GABPB1: variants seen among roughly 807,000 people sequenced by gnomAD.
GABPB1 encodes the protein GA binding protein transcription factor subunit beta 1.
Under a neutral mutation model 45.9 loss-of-function variants are expected in GABPB1, and 15 were observed. The ratio of observed to expected loss-of-function variants is 0.33; its 90% CI spans 0.22 to 0.50. The LOEUF (loss-of-function observed/expected upper bound fraction) is 0.50, where lower values mean the gene tolerates loss of function less well. Among genes scored for constraint, GABPB1 ranks in the 20% least tolerant of loss-of-function variants. The probability of loss-of-function intolerance (pLI) is 0.98; values close to 1 mark genes in which losing one functional copy is unlikely to be tolerated. For synonymous variants in GABPB1, 143 were observed against 154.4 expected, an observed-to-expected ratio of 0.93 and a Z score of 0.55; for missense variants, 252 against 457.5, an observed-to-expected ratio of 0.55 and a Z score of 4.10.
intron 6 of GABPB1, among the ~76,000 whole-genome samples, chr15:50,300,399 T>A (rs2046684859): frequency 6.6e-6 from 1 of 150,608 alleles, no homozygotes; most frequent in Non-Finnish European, 1.5e-5. Context: ...ATTGTCTTCC[T>A]GGCCTTTGTA....
At chr15:50,306,585 C>T (rs1403270182) in intron 2 of GABPB1, among the ~76,000 whole-genome samples, 1 of 151,140 alleles carries the variant, frequency 6.6e-6, no homozygotes, top group Non-Finnish European at 1.5e-5. Flanking sequence ...CAAGATCATG[C>T]CACTGCACTC....
At chr15:50,283,686 T>C (rs1286024413) in intron 8 of GABPB1, among the ~76,000 whole-genome samples, 2 of 152,018 alleles carry the variant, frequency 1.3e-5, no homozygotes, top group African/African-American at 4.8e-5. Flanking sequence ...AATTTTTGTA[T>C]TTTTTAGTAG....
At chr15:50,322,917 T>A (rs2047625161) in intron 1 of GABPB1, among the ~76,000 whole-genome samples, 1 of 152,052 alleles carries the variant, frequency 6.6e-6, no homozygotes. Context: ...TAGTCCCAAC[T>A]ACTTCGGAGG....
chr15:50,288,525 CCTT>C (rs1035722239), intron 7 of GABPB1, among the ~76,000 whole-genome samples: 71 of 152,284 alleles, frequency 4.7e-4, no homozygotes, highest in African/African-American at 1.7e-3. Flanking sequence ...GGGGCCCTAT[CCTT>C]CTGAGAGAGC....
intron 1 of GABPB1, among the ~76,000 whole-genome samples, chr15:50,314,131 C>T (rs564746495): frequency 1.3e-5 from 2 of 152,098 alleles, no homozygotes; most frequent in Non-Finnish European, 2.9e-5. Flanking sequence ...TTAAGTTACT[C>T]TGGTTTTAAA....
At chr15:50,333,339 T>C (rs1326681341) in intron 1 of GABPB1, among the ~76,000 whole-genome samples, 1 of 152,202 alleles carries the variant, frequency 6.6e-6, no homozygotes, top group Non-Finnish European at 1.5e-5. Flanking sequence ...TGTGTGCATC[T>C]GTGGTCCCAG....
chr15:50,322,449 G>C (rs1023065041), intron 1 of GABPB1, among the ~76,000 whole-genome samples: 17 of 152,146 alleles, frequency 1.1e-4, no homozygotes, highest in African/African-American at 4.1e-4. Context: ...AGGAGGCTAA[G>C]GCAGGAGAAT....
chr15:50,343,287 TATCA>T (rs780785696), intron 1 of GABPB1, among the ~76,000 whole-genome samples: 5 of 152,044 alleles, frequency 3.3e-5, no homozygotes, highest in Non-Finnish European at 7.4e-5. Context: ...TCAGCTCATC[TATCA>T]ATCTCCCCAT....
At chr15:50,328,897 C>T (rs185449826) in intron 1 of GABPB1, among the ~76,000 whole-genome samples, 1 of 152,124 alleles carries the variant, frequency 6.6e-6, no homozygotes. Flanking sequence ...AATATATTAT[C>T]GTTTTTCATT....
intron 2 of GABPB1, among the ~76,000 whole-genome samples, chr15:50,305,534 G>A (rs1241696061): frequency 6.6e-6 from 1 of 151,978 alleles, no homozygotes; most frequent in Non-Finnish European, 1.5e-5. Flanking sequence ...ACATTTTTAA[G>A]AGAAGGTCAT....
intron 1 of GABPB1, among the ~76,000 whole-genome samples, chr15:50,341,952 A>G (rs2048389934): frequency 6.6e-6 from 1 of 152,160 alleles, no homozygotes; most frequent in South Asian, 2.1e-4. Flanking sequence ...TAAGGATATG[A>G]CCTGTGCCTC....
At chr15:50,334,121 T>A (rs1268161411) in intron 1 of GABPB1, among the ~76,000 whole-genome samples, 1 of 152,208 alleles carries the variant, frequency 6.6e-6, no homozygotes, top group African/African-American at 2.4e-5. Context: ...TTTCTCCAGC[T>A]ACTTTTGGTT....
intron 6 of GABPB1, among the ~76,000 whole-genome samples, chr15:50,299,373 T>C (rs1427303360): frequency 6.6e-6 from 1 of 152,248 alleles, no homozygotes; most frequent in Non-Finnish European, 1.5e-5. Flanking sequence ...TCATGAATAC[T>C]GTTTGTCATC....
At chr15:50,325,783 G>A (rs1269387107) in intron 1 of GABPB1, among the ~76,000 whole-genome samples, 3 of 151,924 alleles carry the variant, frequency 2.0e-5, no homozygotes, top group African/African-American at 7.3e-5. Flanking sequence ...TGCCTGCCTC[G>A]GCCTCCCAAA....
At chr15:50,332,402 A>G in intron 1 of GABPB1, among the ~76,000 whole-genome samples, 1 of 152,214 alleles carries the variant, frequency 6.6e-6, no homozygotes, top group Non-Finnish European at 1.5e-5. Context: ...ACACATCAAC[A>G]AAATGCAATA....
chr15:50,317,873 C>T (rs1437132991), intron 1 of GABPB1, among the ~76,000 whole-genome samples: 3 of 149,806 alleles, frequency 2.0e-5, no homozygotes, highest in Non-Finnish European at 4.4e-5. Context: ...CGCGCCACCG[C>T]ACTCCAGCCT....
intron 1 of GABPB1, among the ~76,000 whole-genome samples, chr15:50,336,395 T>TA (rs1186480919): frequency 2.0e-5 from 3 of 146,942 alleles, no homozygotes; most frequent in Non-Finnish European, 4.5e-5. Context: ...CTTTGACAAT[T>TA]AAAAAAAACC....
rs186561042 is a variant in GABPB1, at chr15:50,319,487, T to C, written c.1-9689A>G. Among the ~76,000 whole-genome samples the C allele has an allele frequency of 5.4e-3, 829 of 152,216 alleles. 8 individuals are homozygous for C. The highest frequency in any genetic ancestry group is 0.019 in the African/African-American group (786 of 41,526). On this transcript the variant is annotated intron_variant, in intron 1 of 8. Transcript: ENST00000380877. ...TCTATTATCCCCCTCCGTATGTCCA[T>C]GTATAACCACTGTTTAGCTCCCACG...
At chr15:50,318,741 G>C (rs1215913644) in intron 1 of GABPB1, among the ~76,000 whole-genome samples, 2 of 152,152 alleles carry the variant, frequency 1.3e-5, no homozygotes, top group African/African-American at 4.8e-5. Context: ...AGAAGAGAAT[G>C]AATGTCAGTG....
Sources: allele counts gnomAD v4.1 joint callset (sites outside exome capture counted in the v4.1 genomes callset), GRCh38; gene constraint gnomAD v4.1.1; transcripts MANE v1.5; gene names NCBI Gene and HGNC (gene_info 2026-07-23, HGNC 2026-07-21).